SCAI: variants seen among roughly 807,000 people sequenced by gnomAD.
SCAI encodes the protein protein SCAI.
In SCAI, 24 loss-of-function variants were observed where a neutral mutation model predicts 92.2. That is an observed-to-expected ratio of 0.26 (90% CI 0.19 to 0.37). The LOEUF (loss-of-function observed/expected upper bound fraction) is 0.37, where lower values mean the gene tolerates loss of function less well. SCAI is among the 10% of genes least tolerant of loss of function. The pLI is 1.00. For synonymous variants in SCAI, 261 were observed against 258.6 expected (o/e 1.01, Z -0.09); for missense variants, 450 against 736.2 (o/e 0.61, Z 4.50).
chr9:124,964,314 G>C (rs926864584), intron 17 of SCAI, among the ~76,000 whole-genome samples: 2 of 152,068 alleles, frequency 1.3e-5, no homozygotes, highest in African/African-American at 4.8e-5. Flanking sequence ...ATTTCTCCAA[G>C]ATCTGTATCT....
chr9:125,032,562 G>A (rs1193603579), intron 3 of SCAI, among the ~76,000 whole-genome samples: 2 of 150,936 alleles, frequency 1.3e-5, no homozygotes, highest in African/African-American at 4.9e-5. Flanking sequence ...TGTTGGGCAA[G>A]GTATATTGTG....
At chr9:125,042,314 G>C (rs1392957133) in intron 3 of SCAI, among the ~76,000 whole-genome samples, 3 of 152,004 alleles carry the variant, frequency 2.0e-5, no homozygotes, top group Non-Finnish European at 4.4e-5. Flanking sequence ...AATTAAACCT[G>C]ATTATCAGGG....
At chr9:124,987,154 G>T (rs1022764873) in intron 14 of SCAI, among the ~76,000 whole-genome samples, 1 of 152,154 alleles carries the variant, frequency 6.6e-6, no homozygotes, top group Non-Finnish European at 1.5e-5. Context: ...CTCCTGAATA[G>T]CTGGGATTAC....
Position 124,945,722 on chromosome 9 carries a change from A to G in SCAI, c.*7085T>C, listed in dbSNP as rs1831135563. The G allele has an allele frequency of 6.6e-6, 1 of 152,234 alleles. No individual in the cohort carries two copies. The allele number at this position is 152,234 out of a possible 1,614,324, so 9.4% of individuals were successfully genotyped here. A position where few individuals can be genotyped will look rare whatever the true frequency, so the allele number is the denominator to read the frequency against. The stretch of plus-strand genomic sequence containing the variant: ...CATCATCCTGACACCCTTCCCGTCA[A>G]TAGGTGATTGATTCCATTCACACAT... On this transcript the variant is annotated 3_prime_UTR_variant, in exon 18 of 18. Coordinates refer to ENST00000336505, the MANE Select transcript of SCAI (RefSeq NM_001144877.3).
chr9:125,026,952 A>G (rs1421490941), intron 5 of SCAI, 42 bp from the exon 6 acceptor site: 1 of 1,164,290 alleles, frequency 8.6e-7, no homozygotes, highest in Non-Finnish European at 1.3e-6. Flanking sequence ...AGTGTCAGAG[A>G]CTCTTCACCA....
At chr9:125,017,130 A>C (rs1832776328) in intron 9 of SCAI, among the ~76,000 whole-genome samples, 1 of 152,132 alleles carries the variant, frequency 6.6e-6, no homozygotes, top group African/African-American at 2.4e-5. Flanking sequence ...TTGGTCATAG[A>C]GTGTGCACAT....
intron 13 of SCAI, among the ~76,000 whole-genome samples, chr9:124,999,352 A>G (rs1279800158): frequency 1.3e-5 from 2 of 151,082 alleles, no homozygotes; most frequent in Non-Finnish European, 2.9e-5. Flanking sequence ...ATGCCACTGC[A>G]CTCCAGCCTG....
intron 2 of SCAI, among the ~76,000 whole-genome samples, chr9:125,071,547 A>G (rs1412868757): frequency 6.6e-6 from 1 of 152,248 alleles, no homozygotes; most frequent in Admixed American, 6.5e-5. Context: ...GGCATGGAGC[A>G]GCAGTGATAC....
At chr9:125,056,451 C>T (rs1034762898) in intron 2 of SCAI, among the ~76,000 whole-genome samples, 1 of 151,804 alleles carries the variant, frequency 6.6e-6, no homozygotes, top group African/African-American at 2.4e-5. Flanking sequence ...GGTGACAGAG[C>T]GAGACACCAT....
In SCAI at chr9:124,952,825, ATTC is replaced by A. The variant is rs773952451; in HGVS notation, c.1800_1802del (p.Glu600_Asn601delinsAsp). 1.9e-6 allele frequency: 3 copies of A among 1,612,692 alleles called. No individual in the cohort carries two copies. The highest frequency in any genetic ancestry group is 2.5e-6 in the Non-Finnish European group (3 of 1,179,474). ...TTTTGTTTTAATAGTCATCAATGGT[ATTC>A]TCAAAGAACACGTTTCGAACATCCA... On this transcript the variant is annotated inframe_deletion, in exon 18 of 18. Coordinates refer to ENST00000336505, the MANE Select transcript of SCAI (RefSeq NM_001144877.3).
intron 15 of SCAI, chr9:124,974,077 A>G (rs1831710128): frequency 3.8e-6 from 1 of 263,148 alleles, no homozygotes; most frequent in Non-Finnish European, 7.7e-6. Flanking sequence ...ATAACCGCCC[A>G]TCAGGCTCTG....
chr9:125,045,412 C>T (rs1170084236), intron 3 of SCAI, among the ~76,000 whole-genome samples: 1 of 152,112 alleles, frequency 6.6e-6, no homozygotes, highest in Non-Finnish European at 1.5e-5. Flanking sequence ...CACTGTGTTG[C>T]TCAGGCTGGT....
chr9:125,013,693 T>C (rs900542502), intron 9 of SCAI, among the ~76,000 whole-genome samples: 58 of 152,184 alleles, frequency 3.8e-4, no homozygotes, highest in African/African-American at 1.4e-3. Flanking sequence ...GCCAGCATCA[T>C]CCTGATACCA....
chr9:124,964,338 TC>T (rs1831499219), intron 17 of SCAI, among the ~76,000 whole-genome samples: 1 of 152,164 alleles, frequency 6.6e-6, no homozygotes, highest in Non-Finnish European at 1.5e-5. Context: ...AACCCTTCAC[TC>T]CCCACCCTTT....
chr9:125,024,885 G>C (rs1466615999), intron 6 of SCAI, among the ~76,000 whole-genome samples: 5 of 152,182 alleles, frequency 3.3e-5, no homozygotes, highest in African/African-American at 1.2e-4. Flanking sequence ...GAGATGTTCT[G>C]GGAGTGGTCT....
At chr9:125,126,782 T>A (rs971778127) in intron 2 of SCAI, among the ~76,000 whole-genome samples, 11 of 152,226 alleles carry the variant, frequency 7.2e-5, no homozygotes, top group Admixed American at 7.2e-4. Flanking sequence ...TTTGGATAGA[T>A]CATTAAGTCC....
rs1831954408 is a variant in SCAI at position 124,984,742 on chromosome 9, G to C, written c.1327-8556C>G. Among the ~76,000 whole-genome samples, 3 of 152,306 alleles carry C rather than the reference G, an allele frequency of 2.0e-5. No individual in the cohort carries two copies. In the Middle Eastern group the frequency reaches 0.01, roughly 518 times the overall value. On this transcript the variant is annotated intron_variant, in intron 14 of 17. Coordinates refer to ENST00000336505, the MANE Select transcript of SCAI (RefSeq NM_001144877.3). ...CAACTAAATTATAACTAAAGATATG[G>C]AGTAGGTAGATAATATTCAAGTTGA...
intron 9 of SCAI, among the ~76,000 whole-genome samples, chr9:125,014,796 A>C (rs1449680616): frequency 6.6e-6 from 1 of 152,252 alleles, no homozygotes; most frequent in African/African-American, 2.4e-5. Flanking sequence ...ACAAGGCTAC[A>C]GTAACCAAAA....
intron 3 of SCAI, among the ~76,000 whole-genome samples, chr9:125,030,997 C>T (rs1203930031): frequency 2.6e-5 from 4 of 152,128 alleles, no homozygotes; most frequent in African/African-American, 9.7e-5. Context: ...GCCTCATCTT[C>T]GAGGGCAAAA....
Sources: gnomAD v4.1 joint callset for allele counts (sites outside exome capture counted in the v4.1 genomes callset) on GRCh38, gnomAD v4.1.1 for gene constraint, MANE v1.5 for transcripts, NCBI Gene and HGNC (gene_info 2026-07-23, HGNC 2026-07-21) for gene names.